BMERB1: variants seen among roughly 807,000 people sequenced by gnomAD.
BMERB1 encodes bMERB domain containing 1, also known as bMERB domain-containing protein 1.
Under a neutral mutation model 23.6 loss-of-function variants are expected in BMERB1, and 12 were observed. That is an observed-to-expected ratio of 0.51 (90% CI 0.33 to 0.82). The LOEUF is 0.82. BMERB1 is among the 40% of genes least tolerant of loss of function. The pLI is 0.03. For missense variants in BMERB1, 247 were observed against 255.4 expected, an observed-to-expected ratio of 0.97 and a Z score of 0.22; for synonymous variants, 122 against 96.6, an observed-to-expected ratio of 1.26 and a Z score of -1.54.
At chr16:15,569,240 T>G (rs2150972637) in intron 3 of BMERB1, among the ~76,000 whole-genome samples, 1 of 151,888 alleles carries the variant, frequency 6.6e-6, no homozygotes, top group South Asian at 2.1e-4. Flanking sequence ...GAGAACTGAG[T>G]AATTTATAAA....
intron 1 of BMERB1, among the ~76,000 whole-genome samples, chr16:15,440,888 T>C (rs2050934217): frequency 1.3e-5 from 2 of 152,200 alleles, no homozygotes; most frequent in South Asian, 4.1e-4. Flanking sequence ...TAGGTCATAG[T>C]AAATGTTTCA....
At chr16:15,510,705 T>G (rs2051653988) in intron 1 of BMERB1, among the ~76,000 whole-genome samples, 1 of 151,638 alleles carries the variant, frequency 6.6e-6, no homozygotes, top group South Asian at 2.1e-4. Flanking sequence ...TCAGTATTAA[T>G]TATCTTTTTT....
rs749403633 is a variant in BMERB1 at position 15,586,972 on chromosome 16, C to T, written c.*143C>T. The T allele has an allele frequency of 7.1e-5, 45 of 631,268 alleles. No individual in the cohort carries two copies. The highest frequency in any genetic ancestry group is 1.4e-4 in the East Asian group (5 of 36,126). The allele number at this position is 631,268 out of a possible 1,614,324, so 39.1% of individuals were successfully genotyped here. A position where few individuals can be genotyped will look rare whatever the true frequency, so the allele number is the denominator to read the frequency against. On this transcript the variant is annotated 3_prime_UTR_variant, in exon 6 of 6. Coordinates refer to ENST00000300006, the MANE Select transcript of BMERB1 (RefSeq NM_033201.3). ...TGACTGTCACCAGAGGCCATGGGCA[C>T]GGCAGGCGGGCCTGGCCACCCTGTA...
At position 15,444,672 on chromosome 16, in the gene BMERB1, A is replaced by G. The variant is rs567181165; in HGVS notation, c.106+9913A>G. On this transcript the variant is annotated intron_variant, in intron 1 of 5. Coordinates refer to ENST00000300006, the MANE Select transcript of BMERB1 (RefSeq NM_033201.3). ...GCTGGGTGGGAGGAGCTGGCCTCAT[A>G]GTATGAGTACATGGTGGTCCTGCAT... Among the ~76,000 whole-genome samples the G allele has an allele frequency of 9.2e-4, 140 of 152,308 alleles. 1 individual carries two copies. The highest frequency in any genetic ancestry group is 1.5e-3 in the Non-Finnish European group (105 of 68,024).
intron 1 of BMERB1, among the ~76,000 whole-genome samples, chr16:15,438,710 T>C (rs2050910233): frequency 3.3e-5 from 5 of 152,232 alleles, no homozygotes; most frequent in Admixed American, 2.6e-4. Context: ...TCTGCCCTCC[T>C]TGGCCTCCCA....
intron 1 of BMERB1, among the ~76,000 whole-genome samples, chr16:15,497,328 C>G (rs1024843671): frequency 6.6e-6 from 1 of 152,104 alleles, no homozygotes. Context: ...GAAGCAATCC[C>G]GATGAATGAG....
chr16:15,562,473 C>T (rs2030450274), intron 2 of BMERB1, among the ~76,000 whole-genome samples: 1 of 152,040 alleles, frequency 6.6e-6, no homozygotes, highest in African/African-American at 2.4e-5. Flanking sequence ...TCCTCTCTTA[C>T]CTCTCAAAAA....
At chr16:15,446,062 A>G (rs2050986457) in intron 1 of BMERB1, among the ~76,000 whole-genome samples, 1 of 152,140 alleles carries the variant, frequency 6.6e-6, no homozygotes, top group Admixed American at 6.6e-5. Flanking sequence ...TTGTATACAG[A>G]CAGAAAGTAA....
intron 2 of BMERB1, among the ~76,000 whole-genome samples, chr16:15,545,964 AAAG>A (rs2029897092): frequency 6.6e-6 from 1 of 152,078 alleles, no homozygotes; most frequent in Admixed American, 6.6e-5. Context: ...AATGGTGGCC[AAAG>A]AAGGTCTTCT....
intron 1 of BMERB1, among the ~76,000 whole-genome samples, chr16:15,513,537 A>G (rs757902016): frequency 2.8e-4 from 43 of 152,242 alleles, no homozygotes; most frequent in Non-Finnish European, 3.1e-4. Flanking sequence ...GTATAAATAT[A>G]CATTCACACG....
chr16:15,586,867 C>T lies in BMERB1; in HGVS notation c.*38C>T, dbSNP rs774212028. On this transcript the variant is annotated 3_prime_UTR_variant, in exon 6 of 6. Coordinates refer to ENST00000300006, the MANE Select transcript of BMERB1 (RefSeq NM_033201.3). ...GTGCCCTGGGCCATGGGGACCCCCC[C>T]CCACCCTCTTGTCTTTATAGCCCCC... The T allele has an allele frequency of 2.2e-6, 3 of 1,341,454 alleles. No individual in the cohort carries two copies. The highest frequency in any genetic ancestry group is 2.7e-5 in the South Asian group (2 of 74,744). 83.1% of individuals were successfully genotyped at this position (1,341,454 alleles called of 1,614,324 possible).
At chr16:15,560,616 A>G (rs1249569515) in intron 2 of BMERB1, among the ~76,000 whole-genome samples, 1 of 151,770 alleles carries the variant, frequency 6.6e-6, no homozygotes, top group Non-Finnish European at 1.5e-5. Flanking sequence ...ACATGGCAAA[A>G]CCCCTTCTCT....
intron 1 of BMERB1, among the ~76,000 whole-genome samples, chr16:15,443,317 C>T (rs1026170743): frequency 2.6e-5 from 4 of 151,616 alleles, no homozygotes; most frequent in African/African-American, 7.3e-5. Flanking sequence ...CTTTGGTAGG[C>T]CCAGGCAGGG....
intron 2 of BMERB1, among the ~76,000 whole-genome samples, chr16:15,518,623 C>T (rs919484309): frequency 6.6e-6 from 1 of 152,192 alleles, no homozygotes; most frequent in Non-Finnish European, 1.5e-5. Flanking sequence ...GATGGTTTTT[C>T]CCGAAGCTGT....
chr16:15,580,696 C>T (rs773988776), intron 3 of BMERB1, among the ~76,000 whole-genome samples: 24 of 151,400 alleles, frequency 1.6e-4, no homozygotes, highest in Admixed American at 3.3e-4. Context: ...TACAGGCACC[C>T]GCCACCACAC....
intron 1 of BMERB1, among the ~76,000 whole-genome samples, chr16:15,492,675 T>C (rs2150939610): frequency 6.6e-6 from 1 of 152,116 alleles, no homozygotes; most frequent in East Asian, 1.9e-4. Context: ...TCCCAGCACT[T>C]TGGGAGGCTG....
At chr16:15,439,833 G>A (rs778252812) in intron 1 of BMERB1, among the ~76,000 whole-genome samples, 1 of 152,198 alleles carries the variant, frequency 6.6e-6, no homozygotes, top group East Asian at 1.9e-4. Flanking sequence ...CAGAAACACA[G>A]TTGTCTCTGT....
intron 1 of BMERB1, among the ~76,000 whole-genome samples, chr16:15,448,565 G>A (rs1223393267): frequency 3.3e-5 from 5 of 152,246 alleles, no homozygotes; most frequent in Admixed American, 6.5e-5. Context: ...AGGCCCACGC[G>A]GGTGGGTCAC....
intron 1 of BMERB1, among the ~76,000 whole-genome samples, chr16:15,497,136 A>G (rs1444529892): frequency 1.3e-5 from 2 of 152,218 alleles, no homozygotes; most frequent in Non-Finnish European, 2.9e-5. Context: ...TGCTCACTGC[A>G]CAGAAGGCCG....
Sources: gnomAD v4.1 joint callset for allele counts (sites outside exome capture counted in the v4.1 genomes callset) on GRCh38, gnomAD v4.1.1 for gene constraint, MANE v1.5 for transcripts, NCBI Gene and HGNC (gene_info 2026-07-23, HGNC 2026-07-21) for gene names.